The following TMEM248 variants were observed in gnomAD, a reference collection of about 807,000 sequenced individuals.
TMEM248 encodes the protein transmembrane protein 248.
A neutral mutation model predicts 30.3 loss-of-function variants in TMEM248; 9 were observed. That is an observed-to-expected ratio of 0.30 (90% confidence interval 0.18 to 0.52). The LOEUF is 0.52. TMEM248 is among the 20% of genes least tolerant of loss of function. TMEM248 has a pLI of 0.97. For missense variants in TMEM248, 338 were observed against 403.3 expected, an observed-to-expected ratio of 0.84 and a Z score of 1.39; for synonymous variants, 184 against 154.4, an observed-to-expected ratio of 1.19 and a Z score of -1.42.
At chr7:66,954,813 G>T (rs1792362960) in intron 6 of TMEM248, among the ~76,000 whole-genome samples, 1 of 152,186 alleles carries the variant, frequency 6.6e-6, no homozygotes. Flanking sequence ...AAATTATGTT[G>T]TTGGATTTTT....
intron 1 of TMEM248, among the ~76,000 whole-genome samples, chr7:66,936,683 T>G (rs1791812821): frequency 6.6e-6 from 1 of 152,182 alleles, no homozygotes; most frequent in South Asian, 2.1e-4. Flanking sequence ...CCATCAGGTC[T>G]TGGTAGGTTG....
intron 4 of TMEM248, among the ~76,000 whole-genome samples, chr7:66,950,215 CAA>C (rs376969562): frequency 1.4e-3 from 168 of 121,012 alleles, no homozygotes; most frequent in African/African-American, 4.5e-3. Flanking sequence ...GACTCCGTCT[CAA>C]AAAAAAAAAA....
At chr7:66,922,660 C>T (rs1341432057) in intron 1 of TMEM248, among the ~76,000 whole-genome samples, 3 of 152,078 alleles carry the variant, frequency 2.0e-5, no homozygotes, top group East Asian at 1.9e-4. Context: ...GCACCTTCTC[C>T]GTTTAGGCTC....
At position 66,945,197 on chromosome 7, in the gene TMEM248, A is replaced by G. The variant is rs1792064185; in HGVS notation, c.381A>G (p.Gly127=). ...TLTLDPLKPF[G]GYSRNVTHLY... ...CCCTGGACCCACTGAAACCCTTCGG[A>G]GGGTATTCCCGCAACGTCACCCATC... is the stretch of plus-strand genomic sequence containing the variant. Residue 127 remains glycine, a synonymous_variant, in exon 3 of 7, where the codon GGA becomes GGG. Coordinates refer to ENST00000341567, the MANE Select transcript of TMEM248 (RefSeq NM_017994.5). 6.2e-6 allele frequency: 10 copies of G among 1,614,154 alleles called. No homozygotes were observed. The highest frequency in any genetic ancestry group is 7.6e-6 in the Non-Finnish European group (9 of 1,180,020).
At chr7:66,946,641 A>T (rs1792115833) in intron 3 of TMEM248, among the ~76,000 whole-genome samples, 2 of 152,174 alleles carry the variant, frequency 1.3e-5, no homozygotes, top group Non-Finnish European at 2.9e-5. Flanking sequence ...TATGGAAGAG[A>T]CAAAGATAAA....
intron 1 of TMEM248, among the ~76,000 whole-genome samples, chr7:66,935,193 T>C (rs1404421719): frequency 6.6e-6 from 1 of 152,150 alleles, no homozygotes; most frequent in Non-Finnish European, 1.5e-5. Context: ...ATTGTTATTA[T>C]TATTTTTGAG....
chr7:66,951,163 T>G (rs200342790), intron 5 of TMEM248, 28 bp downstream of exon 5: 3 of 1,543,760 alleles, frequency 1.9e-6, no homozygotes, highest in Non-Finnish European at 2.6e-6. Context: ...TGTGTGTGTG[T>G]GTGCGTGCAT....
At chr7:66,941,416 A>G (rs2090871748) in intron 1 of TMEM248, among the ~76,000 whole-genome samples, 1 of 151,122 alleles carries the variant, frequency 6.6e-6, no homozygotes, top group Non-Finnish European at 1.5e-5. Flanking sequence ...TTAGCCGGGC[A>G]TAGTGGTACA....
intron 1 of TMEM248, among the ~76,000 whole-genome samples, chr7:66,926,466 A>G (rs1791526971): frequency 1.3e-5 from 2 of 152,122 alleles, no homozygotes; most frequent in South Asian, 4.1e-4. Context: ...CTAAAAGTAC[A>G]AGAATTAGCT....
chr7:66,950,923 G>A (rs376289449), intron 4 of TMEM248, 29 bp from the exon 5 acceptor site: 37 of 1,524,982 alleles, frequency 2.4e-5, no homozygotes, highest in Admixed American at 4.2e-5. Context: ...CACTGAGCAC[G>A]TGTCTTTCCT....
intron 3 of TMEM248, among the ~76,000 whole-genome samples, chr7:66,946,115 A>G (rs2129224788): frequency 6.6e-6 from 1 of 150,442 alleles, no homozygotes. Context: ...TCAGCTGGGC[A>G]TGCAGGCATG....
chr7:66,935,940 G>A (rs1342959772), intron 1 of TMEM248, among the ~76,000 whole-genome samples: 1 of 152,200 alleles, frequency 6.6e-6, no homozygotes, highest in Non-Finnish European at 1.5e-5. Context: ...CTGAAAATTG[G>A]TCTATCAGTT....
intron 5 of TMEM248, among the ~76,000 whole-genome samples, chr7:66,951,776 C>T (rs1056495193): frequency 6.6e-6 from 1 of 151,966 alleles, no homozygotes; most frequent in African/African-American, 2.4e-5. Context: ...CTCCTGGGCT[C>T]AAGCTTCCCA....
Position 66,948,533 on chromosome 7 carries a change from C to T in TMEM248, c.446-11C>T, listed in dbSNP as rs777197595. On this transcript the variant is annotated splice_polypyrimidine_tract_variant and intron_variant, in intron 3 of 6. Transcript: ENST00000341567. ...TCTTGACTTTATAAAAAAATGATTT[C>T]TCTTTCATAGGCAGGGAAGCCCACG... The T allele has an allele frequency of 2.3e-5, 37 of 1,610,256 alleles. No individual in the cohort carries two copies. The highest frequency in any genetic ancestry group is 3.1e-5 in the Non-Finnish European group (36 of 1,178,282).
chr7:66,940,535 C>G (rs1791919705), intron 1 of TMEM248, among the ~76,000 whole-genome samples: 1 of 152,218 alleles, frequency 6.6e-6, no homozygotes, highest in African/African-American at 2.4e-5. Context: ...AGATTCAGTG[C>G]AGTCCCTGTC....
intron 1 of TMEM248, among the ~76,000 whole-genome samples, chr7:66,939,473 T>G (rs1489159599): frequency 1.3e-5 from 2 of 152,240 alleles, no homozygotes; most frequent in Non-Finnish European, 2.9e-5. Context: ...GCTGTTGATT[T>G]TTAGGGGCTG....
At chr7:66,941,141 G>T (rs1443298881) in intron 1 of TMEM248, among the ~76,000 whole-genome samples, 2 of 152,060 alleles carry the variant, frequency 1.3e-5, no homozygotes, top group Non-Finnish European at 2.9e-5. Context: ...CCAGCACTTT[G>T]GGGGGCCAAG....
At chr7:66,921,866 C>CA (rs1436331309) in intron 1 of TMEM248, 8 of 152,260 alleles carry the variant, frequency 5.3e-5, no homozygotes, top group East Asian at 1.9e-4. Context: ...GGGAGAGACT[C>CA]ACGTACGTCC....
chr7:66,936,460 A>G (rs940465343), intron 1 of TMEM248, among the ~76,000 whole-genome samples: 1 of 151,652 alleles, frequency 6.6e-6, no homozygotes, highest in Non-Finnish European at 1.5e-5. Context: ...GTTTGCCAGT[A>G]TGTTTTGGAA....
Sources: gnomAD v4.1 joint callset for allele counts (sites outside exome capture counted in the v4.1 genomes callset) on GRCh38, gnomAD v4.1.1 for gene constraint, MANE v1.5 for transcripts, NCBI Gene and HGNC (gene_info 2026-07-23, HGNC 2026-07-21) for gene names.